Variants in SHC4 observed in about 807,000 individuals in gnomAD.
SHC4 encodes the protein SHC-transforming protein 4.
A neutral mutation model predicts 69.4 loss-of-function variants in SHC4; 41 were observed. The ratio of observed to expected loss-of-function variants is 0.59; its 90% CI spans 0.46 to 0.77. The LOEUF is 0.77. Ranked by LOEUF, SHC4 falls within the 30% of genes least tolerant of loss-of-function variation. The pLI is 0.00. For synonymous variants in SHC4, 318 were observed against 299.3 expected (o/e 1.06, Z -0.64); for missense variants, 777 against 783.8 (o/e 0.99, Z 0.10).
chr15:48,869,786 C>T (rs1047788804), intron 5 of SHC4, among the ~76,000 whole-genome samples: 1 of 152,208 alleles, frequency 6.6e-6, no homozygotes, highest in African/African-American at 2.4e-5. Flanking sequence ...GGTGCTTTAA[C>T]CAACCAAGCC....
Position 48,962,772 on chromosome 15 carries a change from G to T in SHC4, c.244C>A (p.Pro82Thr). ...ATGCGGGGGATCAAGGTGCACAGTG[G>T]GGTGGGGCTCTCCTGCGACGGCAAG... ...ATLPSQESPT[P>T]LCTLIPRMAS... Residue 82 changes from proline to threonine, a missense_variant, in exon 1 of 12, where the codon CCA becomes ACA. Coordinates refer to ENST00000332408, the MANE Select transcript of SHC4 (RefSeq NM_203349.4). 2 of 1,612,884 alleles carry T rather than the reference G, an allele frequency of 1.2e-6. No homozygotes were observed. Among genetic ancestry groups the T allele is most frequent in the Non-Finnish European group, 1.7e-6 (2 of 1,179,962 alleles).
intron 5 of SHC4, among the ~76,000 whole-genome samples, chr15:48,869,599 A>G (rs950967518): frequency 1.5e-4 from 23 of 152,236 alleles, no homozygotes; most frequent in African/African-American, 5.3e-4. Flanking sequence ...AATAGGGATT[A>G]TCCTCCATTT....
In SHC4 at chr15:48,891,343, A is replaced by G. The variant is rs1320609696; in HGVS notation, c.657-532T>C. Reference sequence around the variant, plus strand: ...ACTAGGTTGCTGCTGCGAGCCATTGAGCTTTCATGTAATTTCACAGAAGAA... The same window carrying G: ...ACTAGGTTGCTGCTGCGAGCCATTGGGCTTTCATGTAATTTCACAGAAGAA... On this transcript the variant is annotated intron_variant, in intron 2 of 11. Transcript: ENST00000332408. 3.9e-5 allele frequency among the ~76,000 whole-genome samples: 6 copies of G among 152,218 alleles called. No individual in the cohort carries two copies. In the South Asian group the frequency reaches 1.2e-3, roughly 32 times the overall value.
intron 1 of SHC4, among the ~76,000 whole-genome samples, chr15:48,955,069 G>T (rs574057327): frequency 1.3e-5 from 2 of 152,236 alleles, no homozygotes; most frequent in African/African-American, 4.8e-5. Context: ...ATGAGAAAAA[G>T]CTCCATGAGT....
chr15:48,834,628 A>T, intron 11 of SHC4, 141 bp downstream of exon 11: 3 of 1,234,282 alleles, frequency 2.4e-6, no homozygotes, highest in Non-Finnish European at 3.4e-6. Context: ...TCTAGTTAGC[A>T]TGTCCTGCTC....
chr15:48,845,831 CTAACTT>C lies in SHC4; in HGVS notation c.1304-2249_1304-2244del, dbSNP rs564161363. On this transcript the variant is annotated intron_variant, in intron 9 of 11. Transcript: ENST00000332408. ...AAAAAATGTTTATTTATCATCTACT[CTAACTT>C]TAAATTTTCCTATATTTGTGTTTTA... is the stretch of plus-strand genomic sequence containing the variant. 1.6e-4 allele frequency among the ~76,000 whole-genome samples: 24 copies of C among 152,236 alleles called. No homozygotes were observed. The Middle Eastern group carries it at 0.01, about 65-fold the overall frequency.
chr15:48,925,186 G>C (rs1900829603), intron 1 of SHC4, among the ~76,000 whole-genome samples: 1 of 152,166 alleles, frequency 6.6e-6, no homozygotes, highest in Admixed American at 6.5e-5. Context: ...AAGTAACAAA[G>C]ACAAATGTGG....
intron 8 of SHC4, among the ~76,000 whole-genome samples, chr15:48,851,997 G>A (rs1899223201): frequency 6.6e-6 from 1 of 152,206 alleles, no homozygotes; most frequent in African/African-American, 2.4e-5. Flanking sequence ...GGCCCAAAGT[G>A]TGAGAAAAAC....
chr15:48,960,520 T>G (rs1901528941), intron 1 of SHC4, among the ~76,000 whole-genome samples: 1 of 152,208 alleles, frequency 6.6e-6, no homozygotes, highest in African/African-American at 2.4e-5. Context: ...GTCCCATACA[T>G]TTATCTGCTT....
At chr15:48,843,900 T>C (rs1204323731) in intron 9 of SHC4, among the ~76,000 whole-genome samples, 1 of 150,598 alleles carries the variant, frequency 6.6e-6, no homozygotes, top group Non-Finnish European at 1.5e-5. Context: ...AGAGGGCTGA[T>C]AGTCTCAGCA....
intron 2 of SHC4, among the ~76,000 whole-genome samples, chr15:48,919,474 A>C (rs1400029724): frequency 6.6e-6 from 1 of 151,110 alleles, no homozygotes; most frequent in African/African-American, 2.4e-5. Context: ...TTTTTGGTAG[A>C]GATGGGATTT....
intron 2 of SHC4, among the ~76,000 whole-genome samples, chr15:48,899,607 T>G (rs1173501638): frequency 6.6e-6 from 1 of 152,172 alleles, no homozygotes; most frequent in Non-Finnish European, 1.5e-5. Flanking sequence ...TAACTCTGGT[T>G]CTTTTAAAGG....
At chr15:48,850,333 T>C (rs2140978748) in intron 9 of SHC4, among the ~76,000 whole-genome samples, 1 of 152,136 alleles carries the variant, frequency 6.6e-6, no homozygotes, top group Non-Finnish European at 1.5e-5. Context: ...AAAGAATAAA[T>C]CTTCATGTAT....
At position 48,946,805 on chromosome 15, in the gene SHC4, A is replaced by T. The variant is rs191816715; in HGVS notation, c.585+15626T>A. 1.5e-3 allele frequency among the ~76,000 whole-genome samples: 233 copies of T among 152,372 alleles called. 3 individuals are homozygous for T. The highest frequency in any genetic ancestry group is 0.015 in the Admixed American group (232 of 15,304). ...AACTTATTGCTGCTTGTCATAAAAG[A>T]TAAAAAAATTCAAGATTTGGTGTTG... On this transcript the variant is annotated intron_variant, in intron 1 of 11. Coordinates refer to ENST00000332408, the MANE Select transcript of SHC4 (RefSeq NM_203349.4).
chr15:48,835,746 T>A (rs1898886676), intron 10 of SHC4, among the ~76,000 whole-genome samples: 1 of 152,160 alleles, frequency 6.6e-6, no homozygotes, highest in African/African-American at 2.4e-5. Flanking sequence ...AGTTAGCAGT[T>A]TACAGTACTA....
chr15:48,930,262 A>C (rs1401735792), intron 1 of SHC4, among the ~76,000 whole-genome samples: 1 of 152,226 alleles, frequency 6.6e-6, no homozygotes, highest in Non-Finnish European at 1.5e-5. Flanking sequence ...AAACATATTT[A>C]TTTTTAAAAA....
chr15:48,878,004 A>T, intron 4 of SHC4: 1 of 705,602 alleles, frequency 1.4e-6, no homozygotes, highest in Middle Eastern at 4.4e-4. Context: ...CCCCGGAGAA[A>T]ACACTGAGCT....
chr15:48,848,010 A>AC (rs1260461365), intron 9 of SHC4, among the ~76,000 whole-genome samples: 2 of 151,414 alleles, frequency 1.3e-5, no homozygotes, highest in Non-Finnish European at 2.9e-5. Flanking sequence ...CTAAAAAAAA[A>AC]AAAAAAACAA....
At chr15:48,888,248 G>A (rs1900071848) in intron 3 of SHC4, among the ~76,000 whole-genome samples, 1 of 152,086 alleles carries the variant, frequency 6.6e-6, no homozygotes, top group Admixed American at 6.5e-5. Flanking sequence ...TAAGCAAAAT[G>A]GGTATATACA....
Sources: allele counts gnomAD v4.1 joint callset (sites outside exome capture counted in the v4.1 genomes callset), GRCh38; gene constraint gnomAD v4.1.1; transcripts MANE v1.5; gene names NCBI Gene and HGNC (gene_info 2026-07-23, HGNC 2026-07-21).